The following AVEN variants were observed in gnomAD, a reference collection of about 807,000 sequenced individuals.
AVEN encodes the protein apoptosis and caspase activation inhibitor.
AVEN carries 41 observed loss-of-function variants against 38.1 expected under a neutral mutation model. The ratio of observed to expected loss-of-function variants is 1.08; its 90% CI spans 0.84 to 1.40. AVEN has a LOEUF of 1.40. AVEN is among the 40% of genes most tolerant of loss of function. AVEN has a pLI of 0.00. For synonymous variants in AVEN, 206 were observed against 171.8 expected, an observed-to-expected ratio of 1.20 and a Z score of -1.56; for missense variants, 605 against 438.8, an observed-to-expected ratio of 1.38 and a Z score of -3.38.
chr15:34,000,551 A>G (rs1394134044), intron 2 of AVEN, among the ~76,000 whole-genome samples: 2 of 152,216 alleles, frequency 1.3e-5, no homozygotes, highest in African/African-American at 4.8e-5. Context: ...ATTTTTTCTC[A>G]GTTGTCTATT....
chr15:33,992,316 G>C (rs916139933), intron 2 of AVEN, among the ~76,000 whole-genome samples: 2 of 152,184 alleles, frequency 1.3e-5, no homozygotes, highest in East Asian at 1.9e-4. Context: ...CGTCAGCCCG[G>C]GGGGCGGAGC....
At chr15:34,038,134 T>C (rs1440807229) in intron 1 of AVEN, among the ~76,000 whole-genome samples, 1 of 152,074 alleles carries the variant, frequency 6.6e-6, no homozygotes, top group African/African-American at 2.4e-5. Flanking sequence ...AAATTGAAAA[T>C]TCAAAACGAC....
At chr15:33,910,993 A>G (rs760871362) in intron 2 of AVEN, among the ~76,000 whole-genome samples, 16 of 152,244 alleles carry the variant, frequency 1.1e-4, no homozygotes, top group Non-Finnish European at 1.8e-4. Flanking sequence ...CCGATGAATC[A>G]TTGTGACTCA....
intron 3 of AVEN, among the ~76,000 whole-genome samples, 154 bp downstream of exon 3, chr15:33,875,771 G>T (rs112282556): frequency 6.6e-6 from 1 of 152,144 alleles, no homozygotes; most frequent in Non-Finnish European, 1.5e-5. Context: ...TGGAATTTCA[G>T]CCCCCTGAAA....
intron 2 of AVEN, among the ~76,000 whole-genome samples, chr15:33,955,007 C>T (rs1431874069): frequency 6.6e-6 from 1 of 152,080 alleles, no homozygotes; most frequent in Admixed American, 6.5e-5. Context: ...TGGATAATGC[C>T]CATCTGTACA....
intron 1 of AVEN, among the ~76,000 whole-genome samples, chr15:34,003,740 G>A (rs1023656805): frequency 1.3e-5 from 2 of 152,194 alleles, no homozygotes; most frequent in African/African-American, 4.8e-5. Flanking sequence ...GTGAAATGGA[G>A]TGTGAATTTA....
In AVEN at chr15:34,063,077, C is replaced by A; in HGVS notation, n.1482G>T. 6.2e-7 allele frequency: 1 copy of A among 1,614,154 alleles called. No individual in the cohort carries two copies. Among genetic ancestry groups the A allele is most frequent in the Non-Finnish European group, 8.5e-7 (1 of 1,180,042 alleles). On this transcript the variant is annotated non_coding_transcript_exon_variant, in exon 5 of 12. Coordinates refer to the AVEN transcript ENST00000675287. This position sits in a 1 kb window ranked among gnomAD's most constrained non-coding sequence, Gnocchi z 4.1. The stretch of plus-strand genomic sequence containing the variant: ...TGGCCAGCAACGCTTCTGTCATGAA[C>A]CTTCTGGTGATCAGTTTTGACCGTT...
At chr15:33,891,644 G>C (rs1049819292) in intron 2 of AVEN, among the ~76,000 whole-genome samples, 1 of 152,154 alleles carries the variant, frequency 6.6e-6, no homozygotes, top group Non-Finnish European at 1.5e-5. Context: ...GGACATTTGG[G>C]TTGGTTCCAA....
intron 2 of AVEN, among the ~76,000 whole-genome samples, chr15:33,953,371 C>T (rs1442194257): frequency 1.3e-5 from 2 of 152,140 alleles, no homozygotes; most frequent in Non-Finnish European, 2.9e-5. Context: ...AGGCATCACG[C>T]TACCTGACTT....
In AVEN at chr15:33,866,521, C is replaced by T. The variant is rs888979531; in HGVS notation, c.*92G>A. The T allele has an allele frequency of 1.0e-5, 9 of 882,730 alleles. No homozygotes were observed. Among genetic ancestry groups the T allele is most frequent in the Non-Finnish European group, 1.6e-5 (9 of 545,630 alleles). 54.7% of individuals were successfully genotyped at this position (882,730 alleles called of 1,614,324 possible). ...ATGGAACACACTAGCTTGAGACATGCTTGTAAACTGGCTGGTCCTGAAGGA... is the reference window on the plus strand; with the variant it reads ...ATGGAACACACTAGCTTGAGACATGTTTGTAAACTGGCTGGTCCTGAAGGA... On this transcript the variant is annotated 3_prime_UTR_variant, in exon 6 of 6. Transcript: ENST00000306730.
rs898839226 is a variant in AVEN, at chr15:34,029,805, A to G, written c.267+8975T>C. ...TAGGGATTAAGACTTCTTTAATAAT[A>G]TAAGACTAATCTTCAATTAGCCCAA... On this transcript the variant is annotated intron_variant, in intron 1 of 5. Coordinates refer to ENST00000306730, the MANE Select transcript of AVEN (RefSeq NM_020371.3). Among the ~76,000 whole-genome samples the G allele has an allele frequency of 7.2e-5, 11 of 152,230 alleles. No homozygotes were observed. The East Asian group carries it at 2.1e-3, about 29-fold the overall frequency.
At chr15:34,075,198 A>G (rs1900704748), upstream of AVEN, among the ~76,000 whole-genome samples, 1 of 151,572 alleles carries the variant, frequency 6.6e-6, no homozygotes, top group Non-Finnish European at 1.5e-5. Flanking sequence ...AAAAAAAAAA[A>G]AAAAAAGAAC....
chr15:33,960,744 T>G (rs373725911), intron 2 of AVEN, among the ~76,000 whole-genome samples: 1 of 152,196 alleles, frequency 6.6e-6, no homozygotes, highest in Non-Finnish European at 1.5e-5. Flanking sequence ...GTATAGCGAC[T>G]TGAGTATAAC....
chr15:33,978,095 C>A (rs888306757), intron 2 of AVEN, among the ~76,000 whole-genome samples: 9 of 151,908 alleles, frequency 5.9e-5, no homozygotes, highest in Non-Finnish European at 1.2e-4. Flanking sequence ...GTCACTATGT[C>A]TATATAAAAC....
Position 33,953,010 on chromosome 15 carries a change from C to A in AVEN, c.445+50022G>T, listed in dbSNP as rs948747746. Among the ~76,000 whole-genome samples, 4 of 152,036 alleles carry A rather than the reference C, an allele frequency of 2.6e-5. No homozygotes were observed. In the East Asian group the frequency reaches 7.7e-4, roughly 29 times the overall value. On this transcript the variant is annotated intron_variant, in intron 2 of 5. Coordinates refer to ENST00000306730, the MANE Select transcript of AVEN (RefSeq NM_020371.3). ...ATACACCAATAACAGACAAGAGAGC[C>A]AAATCATGAGTGAACTCCCATTCAC...
At chr15:33,942,971 T>A (rs1319991723) in intron 2 of AVEN, among the ~76,000 whole-genome samples, 1 of 152,150 alleles carries the variant, frequency 6.6e-6, no homozygotes, top group Non-Finnish European at 1.5e-5. Flanking sequence ...AAAATAAAAG[T>A]GAATGTTGGC....
At chr15:33,912,899 T>C (rs1430149731) in intron 2 of AVEN, among the ~76,000 whole-genome samples, 1 of 152,038 alleles carries the variant, frequency 6.6e-6, no homozygotes, top group Non-Finnish European at 1.5e-5. Flanking sequence ...TTTTTTTTTT[T>C]TTTTTTTGAG....
chr15:33,864,231 T>A, downstream of AVEN: 2 of 1,511,178 alleles, frequency 1.3e-6, no homozygotes, highest in Non-Finnish European at 1.8e-6. Flanking sequence ...GATCTCCCTT[T>A]CCTAAATCTT....
intron 2 of AVEN, among the ~76,000 whole-genome samples, chr15:33,896,643 G>T (rs1327321635): frequency 6.6e-6 from 1 of 152,124 alleles, no homozygotes. Context: ...CAGAGTTCCT[G>T]AATTTTTAAC....
Sources: allele counts gnomAD v4.1 joint callset (sites outside exome capture counted in the v4.1 genomes callset), GRCh38; gene constraint gnomAD v4.1.1; non-coding constraint Gnocchi (gnomAD v3.1); transcripts MANE v1.5; gene names NCBI Gene and HGNC (gene_info 2026-07-23, HGNC 2026-07-21).